Variants in TMPO observed in about 807,000 individuals in gnomAD.
The protein encoded by TMPO is LEM domain containing 4.
A neutral mutation model predicts 45.4 loss-of-function variants in TMPO; 22 were observed. That is an observed-to-expected ratio of 0.48 (90% CI 0.35 to 0.69). TMPO has a LOEUF of 0.69. Ranked by LOEUF, TMPO falls within the 30% of genes least tolerant of loss-of-function variation. The probability of loss-of-function intolerance (pLI) is 0.01; values close to 1 mark genes in which losing one functional copy is unlikely to be tolerated. For missense variants in TMPO, 512 were observed against 548.8 expected (o/e 0.93, Z 0.67); for synonymous variants, 241 against 204.1 (o/e 1.18, Z -1.54).
Position 98,549,124 on chromosome 12 carries a change from AAAAT to A in TMPO, c.*1270_*1273del, listed in dbSNP as rs1444744122. 8 of 152,272 alleles carry A rather than the reference AAAAT, an allele frequency of 5.3e-5. No individual in the cohort carries two copies. Among genetic ancestry groups the A allele is most frequent in the African/African-American group, 1.9e-4 (8 of 41,462 alleles). 9.4% of individuals were successfully genotyped at this position (152,272 alleles called of 1,614,324 possible). On this transcript the variant is annotated 3_prime_UTR_variant, in exon 9 of 9. Coordinates refer to ENST00000556029, the MANE Select transcript of TMPO (RefSeq NM_001032283.3). ...GACAGAGCAAGACTCCATCTCAAAA[AAAAT>A]AAAAAAGTACAAAAAGTACTTGCTT...
intron 8 of TMPO, 69 bp from the exon 9 acceptor site, chr12:98,547,504 T>C: frequency 6.3e-7 from 1 of 1,582,624 alleles, no homozygotes; most frequent in Non-Finnish European, 8.7e-7. Context: ...CAATGACATT[T>C]TATGTTATTT....
chr12:98,524,753 C>A (rs1876637177), intron 1 of TMPO, among the ~76,000 whole-genome samples: 1 of 151,990 alleles, frequency 6.6e-6, no homozygotes, highest in African/African-American at 2.4e-5. Flanking sequence ...GCCACCACAC[C>A]CGGCTAATTT....
chr12:98,520,040 A>G (rs1201542709), intron 1 of TMPO, among the ~76,000 whole-genome samples: 1 of 151,440 alleles, frequency 6.6e-6, no homozygotes, highest in East Asian at 1.9e-4. Flanking sequence ...GCTCACTGCA[A>G]CCTCTGCCTC....
chr12:98,516,501 GC>G (rs1875840464), intron 1 of TMPO: 1 of 1,083,160 alleles, frequency 9.2e-7, no homozygotes. Context: ...TGGAGGGGTG[GC>G]CCCAAAATGC....
chr12:98,535,184 TG>T, intron 3 of TMPO: 1 of 984,992 alleles, frequency 1.0e-6, no homozygotes, highest in Non-Finnish European at 1.2e-6. Context: ...TGTCAGATAA[TG>T]GGGCCTTTTA....
intron 3 of TMPO, chr12:98,534,831 T>C (rs1261865383): frequency 5.0e-6 from 5 of 1,003,096 alleles, no homozygotes; most frequent in Non-Finnish European, 5.9e-6. Flanking sequence ...TTTCTTACTT[T>C]TCTTTGTTAT....
At chr12:98,533,751 T>C in intron 3 of TMPO, 3 of 1,614,190 alleles carry the variant, frequency 1.9e-6, no homozygotes, top group East Asian at 4.5e-5. Flanking sequence ...ATGAATCTAT[T>C]TTAAAAGTAA....
intron 3 of TMPO, chr12:98,532,783 C>T (rs756727287): frequency 1.2e-6 from 2 of 1,613,950 alleles, no homozygotes; most frequent in Non-Finnish European, 1.7e-6. Context: ...AGCTCAAACA[C>T]AGGTAATGCT....
chr12:98,529,861 G>C (rs1003614577), intron 2 of TMPO, among the ~76,000 whole-genome samples: 4 of 152,092 alleles, frequency 2.6e-5, no homozygotes, highest in African/African-American at 7.2e-5. Context: ...ATCTGGTCTT[G>C]ATCTTCTAAG....
chr12:98,522,613 GTGCT>G (rs1876457542), intron 1 of TMPO, among the ~76,000 whole-genome samples: 1 of 152,196 alleles, frequency 6.6e-6, no homozygotes, highest in East Asian at 1.9e-4. Flanking sequence ...GAAGTGTCTA[GTGCT>G]TAGTAATTAA....
At chr12:98,538,382 G>C (rs1243259802) in intron 4 of TMPO, among the ~76,000 whole-genome samples, 5 of 151,992 alleles carry the variant, frequency 3.3e-5, no homozygotes, top group African/African-American at 1.2e-4. Flanking sequence ...ACGGAGTTTT[G>C]CTCTTGTCAC....
intron 4 of TMPO, among the ~76,000 whole-genome samples, chr12:98,538,888 C>T (rs986486677): frequency 1.3e-5 from 2 of 152,040 alleles, no homozygotes; most frequent in African/African-American, 2.4e-5. Context: ...TAACAAATAG[C>T]TTCAGGAGCA....
rs1169188949 is a variant in TMPO, at chr12:98,544,553, A to G, written c.879+16A>G. On this transcript the variant is annotated intron_variant, in intron 6 of 8. Coordinates refer to ENST00000556029, the MANE Select transcript of TMPO (RefSeq NM_001032283.3). ...CGAATCCTTAGTAAATATGTTTCAT[A>G]AACTATACAAGTGGTATTCTTTGTA... The G allele has an allele frequency of 6.3e-7, 1 of 1,588,562 alleles. No homozygotes were observed. Among genetic ancestry groups the G allele is most frequent in the Admixed American group, 1.7e-5 (1 of 59,930 alleles).
chr12:98,547,517 C>T (rs866016967), intron 8 of TMPO, 56 bp from the exon 9 acceptor site: 1 of 1,604,146 alleles, frequency 6.2e-7, no homozygotes, highest in Middle Eastern at 1.7e-4. Flanking sequence ...TGTTATTTCT[C>T]TAAATCATGC....
At chr12:98,534,209 G>A (rs1032297714) in intron 3 of TMPO, 5 of 1,613,902 alleles carry the variant, frequency 3.1e-6, no homozygotes, top group Non-Finnish European at 4.2e-6. Context: ...GTAGGTCGTC[G>A]ATACCTCTGG....
intron 1 of TMPO, among the ~76,000 whole-genome samples, chr12:98,522,847 ACT>A (rs763694810): frequency 3.9e-5 from 6 of 152,104 alleles, no homozygotes; most frequent in Admixed American, 6.6e-5. Context: ...GATTTTTAGG[ACT>A]CTGTAAGTTA....
chr12:98,539,012 C>A (rs891529974), intron 4 of TMPO, among the ~76,000 whole-genome samples: 1 of 152,046 alleles, frequency 6.6e-6, no homozygotes, highest in Admixed American at 6.5e-5. Flanking sequence ...ACGAGCCTGA[C>A]CAACATGGAG....
chr12:98,530,051 A>T (rs1362570652), intron 2 of TMPO, among the ~76,000 whole-genome samples: 1 of 152,202 alleles, frequency 6.6e-6, no homozygotes, highest in Non-Finnish European at 1.5e-5. Context: ...TTAAAGTTCT[A>T]AAAGGCCTGG....
chr12:98,535,733 T>C, intron 3 of TMPO: 8 of 866,292 alleles, frequency 9.2e-6, no homozygotes, highest in Non-Finnish European at 1.1e-5. Flanking sequence ...CATTTCATCA[T>C]TGAAACTCAC....
Sources: allele counts gnomAD v4.1 joint callset (sites outside exome capture counted in the v4.1 genomes callset), GRCh38; gene constraint gnomAD v4.1.1; transcripts MANE v1.5; gene names NCBI Gene and HGNC (gene_info 2026-07-23, HGNC 2026-07-21).